The following MGAT5 variants were observed in gnomAD, a reference collection of about 807,000 sequenced individuals.
MGAT5 encodes alpha-1,6-mannosylglycoprotein 6-beta-N-acetylglucosaminyltransferase, also known as alpha-1,6-mannosylglycoprotein 6-beta-N-acetylglucosaminyltransferase A.
Under a neutral mutation model 94.3 loss-of-function variants are expected in MGAT5, and 30 were observed. The observed-to-expected ratio is 0.32, with a 90% CI of 0.24 to 0.43. MGAT5 has a LOEUF of 0.43. Among genes scored for constraint, MGAT5 ranks in the 20% least tolerant of loss-of-function variants. The pLI is 1.00. For missense variants in MGAT5, 691 were observed against 905.5 expected (o/e 0.76, Z 3.04); for synonymous variants, 310 against 322.9 (o/e 0.96, Z 0.43).
chr2:134,193,285 G>A lies in MGAT5; in HGVS notation c.-142-60977G>A, dbSNP rs1177130133. Among the ~76,000 whole-genome samples, 4 of 152,060 alleles carry A rather than the reference G, an allele frequency of 2.6e-5. No individual in the cohort carries two copies. The East Asian group carries it at 7.7e-4, about 29-fold the overall frequency. On this transcript the variant is annotated intron_variant, in intron 1 of 16. Transcript: ENST00000409645. ...CTACAGGGACATGCCAACATGCCTA[G>A]CTACTTTATTTTGTAGAGATGGGGT...
upstream of MGAT5, chr2:134,253,221 A>G (rs962719296): frequency 2.0e-5 from 3 of 152,206 alleles, no homozygotes; most frequent in African/African-American, 4.8e-5. Context: ...TGAAGCATGT[A>G]TGTACACTCT....
At chr2:134,440,337 A>G (rs751440492) in intron 14 of MGAT5, among the ~76,000 whole-genome samples, 3 of 152,240 alleles carry the variant, frequency 2.0e-5, no homozygotes, top group Non-Finnish European at 4.4e-5. Context: ...AAGAAAGTTG[A>G]TTCCTGGTCG....
At chr2:134,416,474 C>CTTTTTTTTT (rs71275904) in intron 12 of MGAT5, among the ~76,000 whole-genome samples, 5 of 139,174 alleles carry the variant, frequency 3.6e-5, no homozygotes, top group African/African-American at 5.5e-5. Flanking sequence ...TCATTCCTTA[C>CTTTTTTTTT]TTTTTTTTTT....
intron 10 of MGAT5, among the ~76,000 whole-genome samples, chr2:134,366,444 TA>T (rs1378590466): frequency 4.6e-5 from 7 of 152,348 alleles, no homozygotes; most frequent in African/African-American, 1.7e-4. Context: ...TAATACAAGA[TA>T]ATACATGATC....
At chr2:134,264,025 T>TA (rs1558742889) in intron 1 of MGAT5, among the ~76,000 whole-genome samples, 7 of 146,452 alleles carry the variant, frequency 4.8e-5, no homozygotes, top group African/African-American at 1.5e-4. Flanking sequence ...AGGTTTTTTT[T>TA]TTTTTTTTTT....
At chr2:134,192,340 C>G (rs1391829758) in intron 1 of MGAT5, among the ~76,000 whole-genome samples, 1 of 152,178 alleles carries the variant, frequency 6.6e-6, no homozygotes, top group Non-Finnish European at 1.5e-5. Flanking sequence ...CAAATGCAGG[C>G]CCCTTGAACT....
At chr2:134,436,277 T>G (rs900209093) in intron 14 of MGAT5, among the ~76,000 whole-genome samples, 5 of 152,328 alleles carry the variant, frequency 3.3e-5, no homozygotes, top group South Asian at 2.1e-4. Flanking sequence ...TCCTGCCACC[T>G]TCAGGCCTCC....
intron 1 of MGAT5, among the ~76,000 whole-genome samples, chr2:134,230,476 G>C (rs1398558796): frequency 3.3e-5 from 5 of 152,176 alleles, no homozygotes; most frequent in Non-Finnish European, 7.4e-5. Context: ...AGTTAGCCAT[G>C]ATATATAGTT....
intron 7 of MGAT5, among the ~76,000 whole-genome samples, chr2:134,342,492 G>A (rs1688687292): frequency 6.6e-6 from 1 of 152,026 alleles, no homozygotes; most frequent in African/African-American, 2.4e-5. Context: ...AACAATATAT[G>A]GTGGCTCCCA....
chr2:134,265,572 G>A (rs1683662072), intron 1 of MGAT5, among the ~76,000 whole-genome samples: 1 of 152,146 alleles, frequency 6.6e-6, no homozygotes, highest in Non-Finnish European at 1.5e-5. Context: ...CATTTTAAAT[G>A]TTTTTCAACT....
chr2:134,324,526 T>C lies in MGAT5; in HGVS notation c.573+5787T>C, dbSNP rs867980847. The stretch of plus-strand genomic sequence containing the variant: ...TTAATCCCTTGATTAATGCTAAGAT[T>C]AATGCCCAACAGGAAAGGTTGAAAG... On this transcript the variant is annotated intron_variant, in intron 4 of 15. Coordinates refer to ENST00000281923, the MANE Select transcript of MGAT5 (RefSeq NM_002410.5). Among the ~76,000 whole-genome samples the C allele has an allele frequency of 3.9e-5, 6 of 152,284 alleles. No individual in the cohort carries two copies. In the South Asian group the frequency reaches 1.2e-3, roughly 32 times the overall value.
At chr2:134,341,836 A>C (rs1688650327) in intron 7 of MGAT5, 77 bp downstream of exon 7, 1 of 1,290,250 alleles carries the variant, frequency 7.8e-7, no homozygotes, top group Admixed American at 2.6e-5. Context: ...TACCTCTATT[A>C]GTGTATAATT....
At chr2:134,402,682 A>G (rs1358041738) in intron 10 of MGAT5, among the ~76,000 whole-genome samples, 3 of 152,226 alleles carry the variant, frequency 2.0e-5, no homozygotes, top group East Asian at 3.8e-4. Flanking sequence ...TGATATTTCA[A>G]AACAGTTGGC....
At chr2:134,300,643 T>A (rs1389843393) in intron 2 of MGAT5, among the ~76,000 whole-genome samples, 3 of 152,142 alleles carry the variant, frequency 2.0e-5, no homozygotes, top group Admixed American at 2.0e-4. Context: ...TTATGCACTT[T>A]TGTAACCAAA....
intron 9 of MGAT5, among the ~76,000 whole-genome samples, chr2:134,353,003 A>G (rs1171825019): frequency 1.3e-5 from 2 of 152,186 alleles, no homozygotes; most frequent in Non-Finnish European, 2.9e-5. Flanking sequence ...AAGGTAGTCA[A>G]AATCATAGAA....
At chr2:134,237,990 C>T (rs537347945) in intron 1 of MGAT5, among the ~76,000 whole-genome samples, 4 of 152,086 alleles carry the variant, frequency 2.6e-5, no homozygotes, top group Admixed American at 2.0e-4. Context: ...ACCTTGTGAT[C>T]CGCCCACCTT....
chr2:134,383,890 C>A (rs778926324), intron 10 of MGAT5, among the ~76,000 whole-genome samples: 39 of 152,108 alleles, frequency 2.6e-4, no homozygotes, highest in Non-Finnish European at 4.6e-4. Context: ...CCGTGTTAGC[C>A]AGGATGGTCT....
chr2:134,139,151 A>G (rs1419609607), intron 1 of MGAT5, among the ~76,000 whole-genome samples: 1 of 152,216 alleles, frequency 6.6e-6, no homozygotes, highest in African/African-American at 2.4e-5. Flanking sequence ...AAAAACATGG[A>G]AAGGGTTTTG....
intron 1 of MGAT5, among the ~76,000 whole-genome samples, chr2:134,237,149 G>GCA (rs1553499214): frequency 1.1e-5 from 1 of 87,724 alleles, no homozygotes; most frequent in East Asian, 2.1e-4. Context: ...GTGTGTGTGT[G>GCA]CGCGTGTGTG....
Sources: allele counts gnomAD v4.1 joint callset (sites outside exome capture counted in the v4.1 genomes callset), GRCh38; gene constraint gnomAD v4.1.1; transcripts MANE v1.5; gene names NCBI Gene and HGNC (gene_info 2026-07-23, HGNC 2026-07-21).